HPS1: variants seen among roughly 807,000 people sequenced by gnomAD.
HPS1 encodes BLOC-3 complex member HPS1.
A neutral mutation model predicts 90.6 loss-of-function variants in HPS1; 59 were observed. That is an observed-to-expected ratio of 0.65 (90% CI 0.53 to 0.81). The LOEUF (loss-of-function observed/expected upper bound fraction) is 0.81. Ranked by LOEUF, HPS1 falls within the 30% of genes least tolerant of loss-of-function variation. HPS1 has a pLI of 0.00. For synonymous variants in HPS1, 388 were observed against 384.4 expected, an observed-to-expected ratio of 1.01 and a Z score of -0.11; for missense variants, 849 against 896.7, an observed-to-expected ratio of 0.95 and a Z score of 0.68.
Position 98,430,604 on chromosome 10 carries a change from G to A in HPS1, c.735C>T (p.Tyr245=). 3 of 1,555,764 alleles carry A rather than the reference G, an allele frequency of 1.9e-6. No homozygotes were observed. The highest frequency in any genetic ancestry group is 2.6e-6 in the Non-Finnish European group (3 of 1,148,934). Residue 245 remains tyrosine, a synonymous_variant, in exon 8 of 20, where the codon TAC becomes TAT. Transcript: ENST00000361490. The part of the protein sequence containing the change: ...LALILLVQDL[Y]PSESTAEDDI... ...CGTCCTCTGCTGTGCTCTCGCTGGG[G>A]TAGAGGTCCTGAACCAGGAGGATGA... is the stretch of plus-strand genomic sequence containing the variant.
chr10:98,444,649 C>T (rs1939143624), intron 2 of HPS1, among the ~76,000 whole-genome samples: 1 of 152,214 alleles, frequency 6.6e-6, no homozygotes, highest in Non-Finnish European at 1.5e-5. Flanking sequence ...TTCCGTCATC[C>T]CCATGTCCAG....
Position 98,428,848 on chromosome 10 carries a change from G to GT in HPS1, c.937+724dup, listed in dbSNP as rs1231660893. Among the ~76,000 whole-genome samples the GT allele has an allele frequency of 2.2e-3, 315 of 142,316 alleles. 1 individual carries two copies. Among genetic ancestry groups the GT allele is most frequent in the African/African-American group, 3.7e-3 (139 of 37,876 alleles). 93.4% of individuals were successfully genotyped at this position (142,316 alleles called of 152,430 possible). A position where few individuals can be genotyped will look rare whatever the true frequency, so the allele number is the denominator to read the frequency against. The stretch of plus-strand genomic sequence containing the variant: ...TTTTGAATATTTGTAGTTTTGTTTT[G>GT]TTTTTTTTTTTGAGACAGAGTCTTG... On this transcript the variant is annotated intron_variant, in intron 10 of 19. Transcript: ENST00000361490.
chr10:98,441,880 T>C lies in HPS1; in HGVS notation c.117+1244A>G, dbSNP rs186693089. ...GAACTGAACTCTCAAACACTACAGG[T>C]GGAATCAAAAATTACACAACCACTT... On this transcript the variant is annotated intron_variant, in intron 3 of 19. Coordinates refer to ENST00000361490, the MANE Select transcript of HPS1 (RefSeq NM_000195.5). 5.3e-3 allele frequency among the ~76,000 whole-genome samples: 801 copies of C among 152,172 alleles called. 4 individuals carry two copies. Among genetic ancestry groups the C allele is most frequent in the African/African-American group, 0.017 (694 of 41,550 alleles).
chr10:98,425,165 C>T (rs1359624704), intron 13 of HPS1, among the ~76,000 whole-genome samples: 1 of 152,214 alleles, frequency 6.6e-6, no homozygotes, highest in Non-Finnish European at 1.5e-5. Flanking sequence ...GACACAGCCC[C>T]GCTGCAGAGA....
At chr10:98,422,286 C>T in intron 17 of HPS1, 83 bp downstream of exon 17, 2 of 1,500,266 alleles carry the variant, frequency 1.3e-6, no homozygotes, top group Non-Finnish European at 1.8e-6. Flanking sequence ...CTCTGCTAGC[C>T]CCAGGCATGT....
At position 98,425,712 on chromosome 10, in the gene HPS1, G is replaced by T; in HGVS notation, c.1164C>A (p.Ser388Arg). The T allele has an allele frequency of 6.2e-7, 1 of 1,609,324 alleles. No homozygotes were observed. The highest frequency in any genetic ancestry group is 1.1e-5 in the South Asian group (1 of 90,876). ...GGGACAGAACCAGGGCCAGGGGCGC[G>T]CTGGGGCTCTGAGGGTAAGGGCCGA... is the stretch of plus-strand genomic sequence containing the variant. ...INLVLLTRSP[S>R]APLALVLSQL... The change falls in exon 13 of 20, where the codon AGC becomes AGA. Residue 388 changes from serine (S) to arginine (R), a missense_variant. Coordinates refer to ENST00000361490, the MANE Select transcript of HPS1 (RefSeq NM_000195.5).
At chr10:98,437,798 G>C (rs1937632056) in intron 3 of HPS1, among the ~76,000 whole-genome samples, 1 of 152,070 alleles carries the variant, frequency 6.6e-6, no homozygotes, top group Admixed American at 6.6e-5. Context: ...TTTTGGTGAG[G>C]GGATGACATG....
At chr10:98,429,675 C>T (rs757775125) in intron 9 of HPS1, 33 bp from the exon 10 acceptor site, 2 of 1,614,072 alleles carry the variant, frequency 1.2e-6, no homozygotes, top group South Asian at 1.1e-5. Flanking sequence ...GGTTGAGAGG[C>T]TCTCCCAGCT....
chr10:98,420,022 C>T (rs1844645341), intron 18 of HPS1, 23 bp downstream of exon 18: 1 of 1,469,550 alleles, frequency 6.8e-7, no homozygotes. Flanking sequence ...CCCGTCCTGG[C>T]CCAGGGACTC....
chr10:98,414,906 A>G, downstream of HPS1: 3 of 1,495,960 alleles, frequency 2.0e-6, no homozygotes, highest in African/African-American at 2.8e-5. Context: ...ATGCCAGAGG[A>G]GAGAGCAGTG....
At position 98,435,391 on chromosome 10, in the gene HPS1, G is replaced by A. The variant is rs753390507; in HGVS notation, c.279C>T (p.Ala93=). 6 of 1,613,840 alleles carry A rather than the reference G, an allele frequency of 3.7e-6. No individual in the cohort carries two copies. The South Asian group carries it at 6.6e-5, about 18-fold the overall frequency. Residue 93 remains alanine (A), a synonymous_variant, in exon 5 of 20, where the codon GCC becomes GCT. Transcript: ENST00000361490. This position sits in a 1 kb window ranked among gnomAD's most constrained non-coding sequence, Gnocchi z 4.3. The part of the protein sequence containing the change: ...LHLFGECLFI[A]INGDHTESEG... ...CGCTCTCGGTGTGGTCACCATTGAT[G>A]GCAATGAACAGGCATTCTCCAAACT... is the stretch of plus-strand genomic sequence containing the variant.
intron 2 of HPS1, among the ~76,000 whole-genome samples, chr10:98,443,900 G>C (rs111614359): frequency 6.6e-6 from 1 of 152,112 alleles, no homozygotes; most frequent in Non-Finnish European, 1.5e-5. Context: ...AGGCATGGTG[G>C]CAAGTGCCTG....
chr10:98,428,118 C>A (rs1012379344), intron 10 of HPS1, among the ~76,000 whole-genome samples: 7 of 152,210 alleles, frequency 4.6e-5, no homozygotes, highest in Non-Finnish European at 7.3e-5. Flanking sequence ...TCAGGCTCAT[C>A]AAGAGCTCAG....
Position 98,435,793 on chromosome 10 carries a change from T to C in HPS1, c.118-21A>G. ...GGGAGCTGCAAAAATGGGGGAAAAT[T>C]TCACAGCTTAGAGTGGGCCAGACAC... is the stretch of plus-strand genomic sequence containing the variant. On this transcript the variant is annotated intron_variant, in intron 3 of 19. Coordinates refer to ENST00000361490, the MANE Select transcript of HPS1 (RefSeq NM_000195.5). This position sits in a 1 kb window ranked among gnomAD's most constrained non-coding sequence, Gnocchi z 4.3. 6.2e-7 allele frequency: 1 copy of C among 1,613,910 alleles called. No homozygotes were observed. Among genetic ancestry groups the C allele is most frequent in the East Asian group, 2.2e-5 (1 of 44,852 alleles).
Position 98,425,853 on chromosome 10 carries a change from G to A in HPS1, c.1120C>T (p.Leu374=), listed in dbSNP as rs1447452568. 6.2e-6 allele frequency: 10 copies of A among 1,613,972 alleles called. No individual in the cohort carries two copies. Among genetic ancestry groups the A allele is most frequent in the Non-Finnish European group, 7.6e-6 (9 of 1,179,998 alleles). Residue 374 remains leucine, a synonymous_variant, in exon 12 of 20, where the codon CTG becomes TTG. Coordinates refer to ENST00000361490, the MANE Select transcript of HPS1 (RefSeq NM_000195.5). ...LVPHTMYCLP[L]WQGINLVLLT... ...AGCACCAGGTTGATGCCCTGCCACA[G>A]GGGCAGGCAGTACATGGTGTGGGGC... is the stretch of plus-strand genomic sequence containing the variant.
At chr10:98,441,835 G>A (rs895767008) in intron 3 of HPS1, among the ~76,000 whole-genome samples, 8 of 152,222 alleles carry the variant, frequency 5.3e-5, no homozygotes, top group Non-Finnish European at 8.8e-5. Context: ...ACGGACTATA[G>A]TGTTGGTGAG....
intron 3 of HPS1, among the ~76,000 whole-genome samples, chr10:98,436,215 A>T (rs1847300152): frequency 1.3e-5 from 2 of 152,194 alleles, no homozygotes; most frequent in African/African-American, 2.4e-5. Context: ...CTAATTTATA[A>T]TAGCAAACAA....
At chr10:98,436,933 C>G (rs1299624248) in intron 3 of HPS1, among the ~76,000 whole-genome samples, 1 of 152,214 alleles carries the variant, frequency 6.6e-6, no homozygotes, top group African/African-American at 2.4e-5. Flanking sequence ...ATTCGGGAAC[C>G]AAGGACTGTA....
chr10:98,417,826 C>A lies in HPS1; in HGVS notation c.1941-100G>T. On this transcript the variant is annotated intron_variant, in intron 19 of 19. Transcript: ENST00000361490. This position sits in a 1 kb window ranked among gnomAD's most constrained non-coding sequence, Gnocchi z 4.2. ...CCTCGCAAGCAAATGCCCATGCCCT[C>A]GGTCATCTCACTAGGCCCCTGCATG... 1 of 1,145,474 alleles carries A rather than the reference C, an allele frequency of 8.7e-7. No individual in the cohort carries two copies. Among genetic ancestry groups the A allele is most frequent in the South Asian group, 1.3e-5 (1 of 75,506 alleles). 71.0% of individuals were successfully genotyped at this position (1,145,474 alleles called of 1,614,324 possible). A position where few individuals can be genotyped will look rare whatever the true frequency, so the allele number is the denominator to read the frequency against.
Sources: gnomAD v4.1 joint callset for allele counts (sites outside exome capture counted in the v4.1 genomes callset) on GRCh38, gnomAD v4.1.1 for gene constraint, Gnocchi (gnomAD v3.1) non-coding constraint, MANE v1.5 for transcripts, NCBI Gene and HGNC (gene_info 2026-07-23, HGNC 2026-07-21) for gene names.